The following NEB variants were observed in gnomAD, a reference collection of about 807,000 sequenced individuals.
NEB encodes the protein nemaline myopathy type 2.
A neutral mutation model predicts 952.2 loss-of-function variants in NEB; 512 were observed. That is an observed-to-expected ratio of 0.54 (90% CI 0.50 to 0.58). NEB has a LOEUF of 0.58. Among genes scored for constraint, NEB ranks in the 20% least tolerant of loss-of-function variants. NEB has a pLI of 0.00. For synonymous variants in NEB, 2,900 were observed against 3,149.8 expected (o/e 0.92, Z 2.66); for missense variants, 8,428 against 9,231.1 (o/e 0.91, Z 3.56).
At chr2:151,705,957 A>C (rs756352101) in intron 13 of NEB, among the ~76,000 whole-genome samples, 8 of 152,244 alleles carry the variant, frequency 5.3e-5, no homozygotes, top group Non-Finnish European at 1.2e-4. Flanking sequence ...TAAAGACTAC[A>C]TATTGATCAT....
chr2:151,623,647 G>A (rs1399595380), intron 71 of NEB, among the ~76,000 whole-genome samples: 1 of 152,094 alleles, frequency 6.6e-6, no homozygotes, highest in Non-Finnish European at 1.5e-5. Flanking sequence ...TTTTCAAGAT[G>A]AGATTTTATA....
intron 165 of NEB, among the ~76,000 whole-genome samples, chr2:151,504,553 T>G (rs574524843): frequency 7.2e-5 from 11 of 152,288 alleles, no homozygotes; most frequent in Admixed American, 7.2e-4. Flanking sequence ...ATCTAAATAA[T>G]ATGAACAACC....
At chr2:151,609,757 G>T in intron 81 of NEB, 52 bp downstream of exon 81, 8 of 1,517,494 alleles carry the variant, frequency 5.3e-6, no homozygotes, top group Non-Finnish European at 6.2e-6. Flanking sequence ...ACTGGGCAAT[G>T]AACAAATCTA....
chr2:151,663,598 C>T lies in NEB; in HGVS notation c.5713G>A (p.Asp1905Asn). 6.2e-7 allele frequency: 1 copy of T among 1,613,296 alleles called. No individual in the cohort carries two copies. The highest frequency in any genetic ancestry group is 2.2e-5 in the East Asian group (1 of 44,864). ...TTGGCCAATTCAAAGCTCATGGCAT[C>T]AGGAAGCATGTTGTAGGTATGGATC... ...NVIHTYNMLP[D>N]AMSFELAKNM... The change falls in exon 45 of 182, where the codon GAT (aspartate) becomes AAT (asparagine). Residue 1905 changes from aspartate (D) to asparagine (N), a missense_variant. Coordinates refer to ENST00000397345, the MANE Select transcript of NEB (RefSeq NM_001164508.2).
intron 52 of NEB, among the ~76,000 whole-genome samples, chr2:151,651,612 A>G (rs2099030239): frequency 1.3e-5 from 2 of 152,354 alleles, no homozygotes; most frequent in South Asian, 4.1e-4. Flanking sequence ...AAATGATTAC[A>G]TAAATTTAAG....
chr2:151,508,175 A>AAT (rs2070860738), intron 161 of NEB, 66 bp from the exon 162 acceptor site: 2 of 1,104,748 alleles, frequency 1.8e-6, no homozygotes, highest in African/African-American at 3.1e-5. Flanking sequence ...TGGGACCTAA[A>AAT]ATAGGCTATT....
Position 151,499,230 on chromosome 2 carries a change from A to G in NEB, c.24114+68T>C, listed in dbSNP as rs1575119187. On this transcript the variant is annotated intron_variant, in intron 169 of 181. Transcript: ENST00000397345. ...ATTGGGATGAGTTGATTAGATTTTT[A>G]AAATCTAGCCATTAATCTTTTTAAA... 5.9e-6 allele frequency: 5 copies of G among 849,084 alleles called. No individual in the cohort carries two copies. The South Asian group carries it at 8.8e-5, about 15-fold the overall frequency. 52.6% of individuals were successfully genotyped at this position (849,084 alleles called of 1,614,324 possible). A position where few individuals can be genotyped will look rare whatever the true frequency, so the allele number is the denominator to read the frequency against.
At chr2:151,646,631 T>C (rs1207495174) in intron 54 of NEB, among the ~76,000 whole-genome samples, 1 of 152,196 alleles carries the variant, frequency 6.6e-6, no homozygotes, top group Non-Finnish European at 1.5e-5. Flanking sequence ...GAAGTTTTAT[T>C]TCCTATGTGG....
rs775988470 is a variant in NEB, at chr2:151,620,996, T to C, written c.10483A>G (p.Lys3495Glu). 6.2e-7 allele frequency: 1 copy of C among 1,612,254 alleles called. No individual in the cohort carries two copies. The highest frequency in any genetic ancestry group is 8.5e-7 in the Non-Finnish European group (1 of 1,179,150). The change falls in exon 72 of 182, where the codon AAG becomes GAG. Residue 3495 changes from lysine (K) to glutamate (E), a missense_variant. This residue lies in a region of NEB where 1,772 missense variants were observed against 1,960.3 expected (regional missense o/e 0.90). Transcript: ENST00000397345. ...SLYRQAMEEA[K>E]KEGYDLRSDA... ...CTTCTCAAGTCATAGCCTTCTTTCT[T>C]GGCTTCTTCCATGGCCTGACGATAG...
At chr2:151,709,841 T>C (rs2099738932) in intron 11 of NEB, 78 bp from the exon 12 acceptor site, 2 of 1,134,890 alleles carry the variant, frequency 1.8e-6, no homozygotes, top group African/African-American at 3.1e-5. Context: ...ACACAGGGAT[T>C]TGGAAAAGTT....
At chr2:151,678,279 A>G (rs1049073296) in intron 32 of NEB, 92 bp from the exon 33 acceptor site, 11 of 732,930 alleles carry the variant, frequency 1.5e-5, no homozygotes, top group Non-Finnish European at 2.2e-5. Context: ...TGAGCTTCCC[A>G]AAAATTACTG....
At chr2:151,521,738 T>A (rs2082123602) in intron 153 of NEB, among the ~76,000 whole-genome samples, 1 of 152,226 alleles carries the variant, frequency 6.6e-6, no homozygotes, top group Admixed American at 6.5e-5. Flanking sequence ...TCTGTTAATT[T>A]CAAGTTAACT....
chr2:151,685,435 C>A (rs1304550843), intron 27 of NEB, among the ~76,000 whole-genome samples: 1 of 152,132 alleles, frequency 6.6e-6, no homozygotes. Flanking sequence ...TGTATAGAGT[C>A]ATTTTTGAAT....
chr2:151,662,457 C>A, intron 45 of NEB, 116 bp from the exon 46 acceptor site: 1 of 890,068 alleles, frequency 1.1e-6, no homozygotes, highest in Admixed American at 3.0e-5. Context: ...GTAACTTTTC[C>A]ACTTCAATAT....
At position 151,666,070 on chromosome 2, in the gene NEB, A is replaced by G. The variant is rs2099213777; in HGVS notation, c.5031+20T>C. ...TCCCACCCATTAGAAATGGATAACA[A>G]CTTGGTAACCAGTACATACATCACT... On this transcript the variant is annotated intron_variant, in intron 41 of 181. Transcript: ENST00000397345. The G allele has an allele frequency of 1.3e-6, 2 of 1,590,124 alleles. No individual in the cohort carries two copies. Among genetic ancestry groups the G allele is most frequent in the Non-Finnish European group, 1.7e-6 (2 of 1,164,332 alleles).
chr2:151,643,859 C>A lies in NEB; in HGVS notation c.7915G>T (p.Asp2639Tyr). ...HQWTCLPDQSDVIHARQAYDL... is the reference protein window; with the variant it reads ...HQWTCLPDQSYVIHARQAYDL... ...TAGGCCTGCCGAGCATGGATGACAT[C>A]GCTCTGGTCGGGCAGGCATGTCCAC... The change falls in exon 57 of 182, where the codon GAT (aspartate) becomes TAT (tyrosine). Residue 2639 changes from aspartate to tyrosine, a missense_variant. Physicochemically the swap from Asp to Tyr is radical, Grantham distance 160 (BLOSUM62 -3). Transcript: ENST00000397345. The A allele has an allele frequency of 6.2e-7, 1 of 1,614,004 alleles. No individual in the cohort carries two copies. Among genetic ancestry groups the A allele is most frequent in the East Asian group, 2.2e-5 (1 of 44,878 alleles).
chr2:151,497,126 C>T (rs188042437), intron 171 of NEB, 93 bp from the exon 172 acceptor site: 15 of 1,428,808 alleles, frequency 1.0e-5, no homozygotes, highest in South Asian at 1.3e-5. Context: ...CTTGTTAAGA[C>T]AAAACACAGT....
chr2:151,637,500 C>A (rs2098783841), intron 63 of NEB, among the ~76,000 whole-genome samples: 1 of 152,134 alleles, frequency 6.6e-6, no homozygotes, highest in African/African-American at 2.4e-5. Context: ...CCAAAAAGTT[C>A]TCTTCTTTTT....
rs1398819932 is a variant in NEB, at chr2:151,537,229, T to C, written c.21110A>G (p.Tyr7037Cys). Residue 7037 changes from tyrosine (Y) to cysteine (C), a missense_variant, in exon 141 of 182, where the codon TAT (tyrosine) becomes TGT (cysteine). Coordinates refer to ENST00000397345, the MANE Select transcript of NEB (RefSeq NM_001164508.2). ...TTTAAGCCAAGTCAAGTCTTCTTTA[T>C]ATTTTACCTGGGAGAAGAAGAACAT... ...AVTDTVSDVK[Y>C]KEDLTWLKGI... The C allele has an allele frequency of 6.2e-7, 1 of 1,603,214 alleles. No homozygotes were observed. The highest frequency in any genetic ancestry group is 8.5e-7 in the Non-Finnish European group (1 of 1,170,662).
Sources: allele counts gnomAD v4.1 joint callset (sites outside exome capture counted in the v4.1 genomes callset), GRCh38; gene constraint gnomAD v4.1.1; regional missense constraint gnomAD v4.1.1; transcripts MANE v1.5; gene names NCBI Gene and HGNC (gene_info 2026-07-23, HGNC 2026-07-21).